KCTD1: variants seen among roughly 807,000 people sequenced by gnomAD.
KCTD1 encodes potassium channel tetramerization domain containing 1, also known as BTB/POZ domain-containing protein KCTD1.
A neutral mutation model predicts 66.0 loss-of-function variants in KCTD1; 24 were observed. The ratio of observed to expected loss-of-function variants is 0.36; its 90% CI spans 0.26 to 0.51. The LOEUF is 0.51. Ranked by LOEUF, KCTD1 falls within the 20% of genes least tolerant of loss-of-function variation. The pLI is 0.95. For synonymous variants in KCTD1, 511 were observed against 517.2 expected, an observed-to-expected ratio of 0.99 and a Z score of 0.16; for missense variants, 943 against 1,205.2, an observed-to-expected ratio of 0.78 and a Z score of 3.22.
chr18:26,627,514 A>G (rs1451426404), intron 1 of KCTD1, among the ~76,000 whole-genome samples: 1 of 152,166 alleles, frequency 6.6e-6, no homozygotes, highest in Non-Finnish European at 1.5e-5. Context: ...ATATAGTTCA[A>G]TTGTGCAACT....
rs114622128 is a variant in KCTD1 at position 26,484,641 on chromosome 18, T to G, written c.1989-7982A>C. Among the ~76,000 whole-genome samples, 1,095 of 152,334 alleles carry G rather than the reference T, an allele frequency of 7.2e-3. 13 individuals carry two copies. Among genetic ancestry groups the G allele is most frequent in the African/African-American group, 0.024 (1,005 of 41,580 alleles). On this transcript the variant is annotated intron_variant, in intron 2 of 4. Transcript: ENST00000580059. ...AAACTGAATCTTTTTAGAATTGACA[T>G]AAGTAGACTTTTTGTTTCTTCATTT...
At chr18:26,572,206 C>T (rs925488546) in intron 1 of KCTD1, among the ~76,000 whole-genome samples, 14 of 151,788 alleles carry the variant, frequency 9.2e-5, no homozygotes, top group East Asian at 1.9e-4. Flanking sequence ...ACTACAGGCG[C>T]GCACCACCAC....
chr18:26,498,739 A>G (rs1377961505), intron 2 of KCTD1, among the ~76,000 whole-genome samples: 1 of 152,112 alleles, frequency 6.6e-6, no homozygotes, highest in Non-Finnish European at 1.5e-5. Flanking sequence ...GATGAGATCC[A>G]TGGAATTTGA....
At chr18:26,633,632 T>A (rs780985191), upstream of KCTD1, among the ~76,000 whole-genome samples, 6 of 152,192 alleles carry the variant, frequency 3.9e-5, no homozygotes, top group Non-Finnish European at 7.4e-5. Flanking sequence ...GCAAAGAATG[T>A]ACTTATATCA....
chr18:26,652,632 C>T (rs1988057772), intron 1 of KCTD1, among the ~76,000 whole-genome samples: 1 of 152,184 alleles, frequency 6.6e-6, no homozygotes, highest in Non-Finnish European at 1.5e-5. Flanking sequence ...CCACATGGTA[C>T]ACTTCATAAA....
At position 26,547,178 on chromosome 18, in the gene KCTD1, G is replaced by A. The variant is rs1316586092; in HGVS notation, c.1359C>T (p.Ile453=). The A allele has an allele frequency of 3.9e-6, 6 of 1,551,142 alleles. No individual in the cohort carries two copies. The highest frequency in any genetic ancestry group is 5.2e-6 in the Non-Finnish European group (6 of 1,147,004). The change falls in exon 1 of 5, where the codon ATC becomes ATT. Residue 453 remains isoleucine (I), a synonymous_variant. Transcript: ENST00000580059. ...TGAGCGTGGCGATGGAGACGGCGCCGATGCAGTGGTTGGTGTAGGTCTTGG... is the reference window on the plus strand; with the variant it reads ...TGAGCGTGGCGATGGAGACGGCGCCAATGCAGTGGTTGGTGTAGGTCTTGG... The part of the protein sequence containing the change: ...KLSKTYTNHC[I]GAVSIATLNS...
chr18:26,472,295 C>T (rs970571815), intron 3 of KCTD1, among the ~76,000 whole-genome samples: 1 of 152,064 alleles, frequency 6.6e-6, no homozygotes, highest in Admixed American at 6.6e-5. Context: ...TGATGAAGTC[C>T]AGGCTATATA....
At chr18:26,509,855 C>G (rs776989666) in intron 1 of KCTD1, among the ~76,000 whole-genome samples, 4 of 152,178 alleles carry the variant, frequency 2.6e-5, no homozygotes, top group African/African-American at 4.8e-5. Flanking sequence ...CCGCCCCGTG[C>G]GATCTCTGAG....
chr18:26,538,245 C>T (rs1051431295), intron 1 of KCTD1, among the ~76,000 whole-genome samples: 1 of 151,288 alleles, frequency 6.6e-6, no homozygotes, highest in East Asian at 1.9e-4. Flanking sequence ...AAAACTCCGT[C>T]TTAAAAAAAA....
chr18:26,648,275 G>A lies in KCTD1; in HGVS notation c.9+9085C>T, dbSNP rs1351866418. 2.0e-5 allele frequency among the ~76,000 whole-genome samples: 3 copies of A among 152,276 alleles called. No individual in the cohort carries two copies. The East Asian group carries it at 5.8e-4, about 29-fold the overall frequency. ...AGGCCATTCACCATTTCTGGAAATG[G>A]CTGTGAGGCTATAAATATCCAAGGG... On this transcript the variant is annotated intron_variant, in intron 1 of 4. Transcript: ENST00000580191.
At chr18:26,548,614 A>G, upstream of KCTD1, 1 of 1,169,450 alleles carries the variant, frequency 8.6e-7, no homozygotes, top group Non-Finnish European at 1.1e-6. Context: ...TTTGTGTTTA[A>G]TGACCTTCAG....
intron 1 of KCTD1, among the ~76,000 whole-genome samples, chr18:26,541,719 G>C (rs1984982131): frequency 6.6e-6 from 1 of 152,140 alleles, no homozygotes; most frequent in South Asian, 2.1e-4. Context: ...CTGTCATCCA[G>C]TTTATGGTCA....
At chr18:26,526,868 GTT>G (rs917976432) in intron 1 of KCTD1, among the ~76,000 whole-genome samples, 51 of 138,414 alleles carry the variant, frequency 3.7e-4, no homozygotes, top group African/African-American at 5.8e-4. Flanking sequence ...TACATTTTGG[GTT>G]TTTTTTTTTT....
intron 3 of KCTD1, among the ~76,000 whole-genome samples, chr18:26,469,929 AAACAAACAAAC>A (rs1305782851): frequency 2.0e-5 from 3 of 152,146 alleles, no homozygotes; most frequent in South Asian, 2.1e-4. Flanking sequence ...TCAAAAAAAC[AAACAAACAAAC>A]AACAAACAAA....
At chr18:26,455,985 G>A (rs539579600) in intron 4 of KCTD1, 84 bp from the exon 5 acceptor site, 125 of 1,327,228 alleles carry the variant, frequency 9.4e-5, no homozygotes, top group African/African-American at 7.3e-4. Context: ...GAGATTATGC[G>A]CACTCTGGTT....
intron 1 of KCTD1, among the ~76,000 whole-genome samples, chr18:26,593,673 AGATGAG>A (rs1986690484): frequency 3.2e-5 from 3 of 94,708 alleles, no homozygotes; most frequent in South Asian, 4.0e-4. Context: ...AGGAGGAGGA[AGATGAG>A]GAGGAGGAGG....
chr18:26,554,793 G>C (rs1036010487), intron 1 of KCTD1, among the ~76,000 whole-genome samples: 4 of 152,162 alleles, frequency 2.6e-5, no homozygotes, highest in African/African-American at 2.4e-5. Flanking sequence ...ATGTACAAGA[G>C]AAATGTAGTT....
chr18:26,654,502 G>A (rs1988092289), intron 1 of KCTD1, among the ~76,000 whole-genome samples: 1 of 152,012 alleles, frequency 6.6e-6, no homozygotes, highest in Non-Finnish European at 1.5e-5. Context: ...GCAAGCCCTG[G>A]CAAAGAATTA....
intron 1 of KCTD1, among the ~76,000 whole-genome samples, chr18:26,540,374 A>C (rs8092852): frequency 0.57 from 87,111 of 152,112 alleles, 25,391 homozygotes; most frequent in African/African-American, 0.67. Context: ...TCCTCCCAGA[A>C]TGGATCAAAA....
Sources: gnomAD v4.1 joint callset for allele counts (sites outside exome capture counted in the v4.1 genomes callset) on GRCh38, gnomAD v4.1.1 for gene constraint, MANE v1.5 for transcripts, NCBI Gene and HGNC (gene_info 2026-07-23, HGNC 2026-07-21) for gene names.